COL7A1: variants seen among roughly 807,000 people sequenced by gnomAD.
The protein encoded by COL7A1 is collagen type VII alpha 1 chain.
A neutral mutation model predicts 456.2 loss-of-function variants in COL7A1; 296 were observed. The observed-to-expected ratio is 0.65, with a 90% confidence interval of 0.59 to 0.71. COL7A1 has a LOEUF of 0.71. Among genes scored for constraint, COL7A1 ranks in the 30% least tolerant of loss-of-function variants. COL7A1 has a pLI of 0.00. For missense variants in COL7A1, 3,441 were observed against 4,017.2 expected (o/e 0.86, Z 3.88); for synonymous variants, 1,464 against 1,525.9 (o/e 0.96, Z 0.95).
chr3:48,580,566 T>C lies in COL7A1; in HGVS notation c.5052+15A>G, dbSNP rs377568216. The C allele has an allele frequency of 1.1e-4, 184 of 1,613,090 alleles. No individual in the cohort carries two copies. The highest frequency in any genetic ancestry group is 1.4e-4 in the Non-Finnish European group (171 of 1,179,416). Reference sequence around the variant, plus strand: ...GGGTTAAGGTTGGGGTGAGGAGTCATAGGCTGGGACTCACATTTCGTCCAT... The same window carrying C: ...GGGTTAAGGTTGGGGTGAGGAGTCACAGGCTGGGACTCACATTTCGTCCAT... On this transcript the variant is annotated intron_variant, in intron 55 of 118. Coordinates refer to ENST00000681320, the MANE Select transcript of COL7A1 (RefSeq NM_000094.4). This position sits in a 1 kb window ranked among gnomAD's most constrained non-coding sequence, Gnocchi z 4.5.
rs769833467 is a variant in COL7A1 at position 48,585,589 on chromosome 3, G to T, written c.3862C>A (p.Pro1288Thr). 25 of 1,613,836 alleles carry T rather than the reference G, an allele frequency of 1.5e-5. No homozygotes were observed. The South Asian group carries it at 2.1e-4, about 13-fold the overall frequency. ...CCCTTGGCAGTGGCACTTCCAGGGG[G>T]CCCCTGGGGGCCGGGAGCACCGGTC... ...GRTGAPGPQGPPGSATAKGER... is the reference protein window; with the variant it reads ...GRTGAPGPQGTPGSATAKGER... The change falls in exon 32 of 119, where the codon CCC (proline) becomes ACC (threonine). Residue 1288 changes from proline to threonine, a missense_variant. Physicochemically the swap from Pro to Thr is conservative, Grantham distance 38. Transcript: ENST00000681320. The surrounding 1 kb of genome is among the most constrained non-coding windows in gnomAD (Gnocchi z 4.5).
At position 48,564,826 on chromosome 3, in the gene COL7A1, G is replaced by T; in HGVS notation, c.8775C>A (p.Cys2925Ter). ...NANRFGTREA[C>*]ERRCPPRVVQ... ...CCACCCGGGGTGGGCAGCGGCGCTC[G>T]CAGGCCTCACGGGTCCCAAAACGGT... Residue 2925 changes from cysteine (C) to a stop codon, truncating the protein, a stop_gained, in exon 118 of 119, where the codon TGC becomes TGA. Coordinates refer to ENST00000681320, the MANE Select transcript of COL7A1 (RefSeq NM_000094.4). LOFTEE classifies it low-confidence loss of function (END_TRUNC). This position sits in a 1 kb window ranked among gnomAD's most constrained non-coding sequence, Gnocchi z 6.0. 4.3e-6 allele frequency: 7 copies of T among 1,613,976 alleles called. No individual in the cohort carries two copies. Among genetic ancestry groups the T allele is most frequent in the Non-Finnish European group, 5.9e-6 (7 of 1,179,980 alleles).
At position 48,593,702 on chromosome 3, in the gene COL7A1, G is replaced by A. The variant is rs1361765533; in HGVS notation, c.267-6C>T. Reference sequence around the variant, plus strand: ...CATCCAGGCCGAACTCTGTCCTGTTGGAGGGTAGGGGTGGCAACAGGCTAG... The same window carrying A: ...CATCCAGGCCGAACTCTGTCCTGTTAGAGGGTAGGGGTGGCAACAGGCTAG... On this transcript the variant is annotated splice_polypyrimidine_tract_variant and splice_region_variant and intron_variant, in intron 3 of 118. Transcript: ENST00000681320. The surrounding 1 kb of genome is among the most constrained non-coding windows in gnomAD (Gnocchi z 4.4). 2.5e-6 allele frequency: 4 copies of A among 1,614,212 alleles called. No homozygotes were observed. The East Asian group carries it at 8.9e-5, about 36-fold the overall frequency.
Position 48,571,718 on chromosome 3 carries a change from T to C in COL7A1, c.7068+283A>G. On this transcript the variant is annotated intron_variant, in intron 92 of 118. Coordinates refer to ENST00000681320, the MANE Select transcript of COL7A1 (RefSeq NM_000094.4). This position sits in a 1 kb window ranked among gnomAD's most constrained non-coding sequence, Gnocchi z 4.6. ...GGAGAGGTTCACAAGAACTCAGGTG[T>C]GTCCTGGGATCTGGGAGATCAGACC... 1 of 638,944 alleles carries C rather than the reference T, an allele frequency of 1.6e-6. No homozygotes were observed. Among genetic ancestry groups the C allele is most frequent in the Non-Finnish European group, 2.9e-6 (1 of 344,440 alleles). 39.6% of individuals were successfully genotyped at this position (638,944 alleles called of 1,614,324 possible).
chr3:48,566,665 C>T lies in COL7A1; in HGVS notation c.8299G>A (p.Glu2767Lys). ...GVPGAPGERG[E>K]QGRPGPAGPR... ...GCCTTGGAATCCCTACTCACCTGCTCCCCTCTCTCGCCAGGAGCTCCAGGG... is the reference window on the plus strand; with the variant it reads ...GCCTTGGAATCCCTACTCACCTGCTTCCCTCTCTCGCCAGGAGCTCCAGGG... Residue 2767 changes from glutamate (E) to lysine (K), a missense_variant, in exon 112 of 119, where the codon GAG becomes AAG. Glu to Lys is a moderately conservative substitution (Grantham distance 56). Coordinates refer to ENST00000681320, the MANE Select transcript of COL7A1 (RefSeq NM_000094.4). This position sits in a 1 kb window ranked among gnomAD's most constrained non-coding sequence, Gnocchi z 5.9. 1 of 1,614,166 alleles carries T rather than the reference C, an allele frequency of 6.2e-7. No individual in the cohort carries two copies. The highest frequency in any genetic ancestry group is 8.5e-7 in the Non-Finnish European group (1 of 1,180,006).
Position 48,595,304 on chromosome 3 carries a change from T to C in COL7A1, c.-38A>G, listed in dbSNP as rs1433228322. The C allele has an allele frequency of 8.5e-6, 6 of 702,006 alleles. No homozygotes were observed. The highest frequency in any genetic ancestry group is 1.5e-5 in the Non-Finnish European group (6 of 396,396). The allele number at this position is 702,006 out of a possible 1,614,324, so 43.5% of individuals were successfully genotyped here. On this transcript the variant is annotated 5_prime_UTR_variant, in exon 1 of 119. Transcript: ENST00000681320. ...CCCGCTCCCGCCGCCGCCGCTGCAG[T>C]CTCTCGGGCAGAGCAGAGAAAAGTC...
chr3:48,586,655 G>GT lies in COL7A1; in HGVS notation c.3310_3311insA (p.Pro1104HisfsTer10). ...ATGGGAGCCATTCAGTGGGAACAGTGGGGAGGGCCGATGACTGTAAGACAG... is the reference window on the plus strand; with the variant it reads ...ATGGGAGCCATTCAGTGGGAACAGTGTGGGAGGGCCGATGACTGTAAGACAG... On this transcript the variant is annotated frameshift_variant, in exon 26 of 119. Transcript: ENST00000681320. LOFTEE classifies it high-confidence loss of function. The surrounding 1 kb of genome is among the most constrained non-coding windows in gnomAD (Gnocchi z 5.1). The GT allele has an allele frequency of 1.2e-6, 2 of 1,610,610 alleles. No individual in the cohort carries two copies. Among genetic ancestry groups the GT allele is most frequent in the South Asian group, 2.2e-5 (2 of 90,712 alleles).
chr3:48,587,856 C>A lies in COL7A1; in HGVS notation c.2794G>T (p.Val932Leu), dbSNP rs761239910. Residue 932 changes from valine (V) to leucine (L), a missense_variant, in exon 22 of 119, where the codon GTG (valine) becomes TTG (leucine). Physicochemically the swap from Val to Leu is conservative, Grantham distance 32 (BLOSUM62 1). Coordinates refer to ENST00000681320, the MANE Select transcript of COL7A1 (RefSeq NM_000094.4). The surrounding 1 kb of genome is among the most constrained non-coding windows in gnomAD (Gnocchi z 6.1). Reference protein sequence around the residue: ...DGLEPATQYRVRLSVLGPAGE... With the variant: ...DGLEPATQYRLRLSVLGPAGE... ...GCTGGCCCTAGGACACTCAGCCTCACGCGGTACTGTGTCGCTGGCTCCAGC... is the reference window on the plus strand; with the variant it reads ...GCTGGCCCTAGGACACTCAGCCTCAAGCGGTACTGTGTCGCTGGCTCCAGC... 4 of 1,613,220 alleles carry A rather than the reference C, an allele frequency of 2.5e-6. No individual in the cohort carries two copies. The highest frequency in any genetic ancestry group is 2.2e-5 in the East Asian group (1 of 44,866).
rs779764597 is a variant in COL7A1, at chr3:48,572,977, G to T, written c.6751-35C>A. The T allele has an allele frequency of 6.2e-7, 1 of 1,613,956 alleles. No homozygotes were observed. The highest frequency in any genetic ancestry group is 1.1e-5 in the South Asian group (1 of 91,074). On this transcript the variant is annotated intron_variant, in intron 86 of 118. Transcript: ENST00000681320. The surrounding 1 kb of genome is among the most constrained non-coding windows in gnomAD (Gnocchi z 4.6). Reference sequence around the variant, plus strand: ...AAGAGCTCTGTCAGGGCTGCCTGTCGACCCTTGACCCCTGGAGCCCAACCC... The same window carrying T: ...AAGAGCTCTGTCAGGGCTGCCTGTCTACCCTTGACCCCTGGAGCCCAACCC...
In COL7A1 at chr3:48,573,370, C is replaced by A; in HGVS notation, c.6619-22G>T. On this transcript the variant is annotated intron_variant, in intron 83 of 118. Transcript: ENST00000681320. The surrounding 1 kb of genome is among the most constrained non-coding windows in gnomAD (Gnocchi z 5.5). The stretch of plus-strand genomic sequence containing the variant: ...CCCCCTGCAAACAACCCAGAGACTG[C>A]ATGAGCAGAGCCCACGTGGCCAGGG... The A allele has an allele frequency of 6.2e-7, 1 of 1,614,070 alleles. No individual in the cohort carries two copies. Among genetic ancestry groups the A allele is most frequent in the Non-Finnish European group, 8.5e-7 (1 of 1,180,020 alleles).
intron 71 of COL7A1, 139 bp downstream of exon 71, chr3:48,576,110 T>G (rs2044279861): frequency 2.0e-5 from 29 of 1,443,350 alleles, no homozygotes; most frequent in Non-Finnish European, 4.8e-6. Flanking sequence ...GAGTGTGGGC[T>G]ACAAGAACCC....
rs1036287972 is a variant in COL7A1 at position 48,578,230 on chromosome 3, G to A, written c.5532+91C>T. ...TGGGCCAGGATGCATGTGTCTACAC[G>A]TGTGCCTCATGTGTTGCTACAGATC... On this transcript the variant is annotated intron_variant, in intron 65 of 118. Transcript: ENST00000681320. The surrounding 1 kb of genome is among the most constrained non-coding windows in gnomAD (Gnocchi z 4.7). 100 of 1,425,800 alleles carry A rather than the reference G, an allele frequency of 7.0e-5. No homozygotes were observed. The African/African-American group carries it at 9.7e-4, about 14-fold the overall frequency. 88.3% of individuals were successfully genotyped at this position (1,425,800 alleles called of 1,614,324 possible).
Position 48,572,248 on chromosome 3 carries a change from A to G in COL7A1, c.6979-77T>C, listed in dbSNP as rs1481010955. On this transcript the variant is annotated intron_variant, in intron 90 of 118. Coordinates refer to ENST00000681320, the MANE Select transcript of COL7A1 (RefSeq NM_000094.4). The surrounding 1 kb of genome is among the most constrained non-coding windows in gnomAD (Gnocchi z 4.6). ...ACTCCGGAGGGAGGCATGGGGCCAGAGCTTAAATATGCGGTCTACTATGAA... is the reference window on the plus strand; with the variant it reads ...ACTCCGGAGGGAGGCATGGGGCCAGGGCTTAAATATGCGGTCTACTATGAA... 4 of 1,612,124 alleles carry G rather than the reference A, an allele frequency of 2.5e-6. No individual in the cohort carries two copies. Among genetic ancestry groups the G allele is most frequent in the African/African-American group, 1.3e-5 (1 of 74,854 alleles).
Position 48,591,438 on chromosome 3 carries a change from G to A in COL7A1, c.1636+26C>T, listed in dbSNP as rs762676990. The A allele has an allele frequency of 6.8e-6, 11 of 1,611,534 alleles. No homozygotes were observed. The highest frequency in any genetic ancestry group is 2.7e-5 in the African/African-American group (2 of 74,822). ...AGGCTGGAACTTCAGTGTGTGTGGT[G>A]GGGGTGCTGGCTGCGTCCACCTCAC... On this transcript the variant is annotated intron_variant, in intron 13 of 118. Transcript: ENST00000681320. The surrounding 1 kb of genome is among the most constrained non-coding windows in gnomAD (Gnocchi z 7.0).
Position 48,567,333 on chromosome 3 carries a change from A to C in COL7A1, c.8047-143T>G. The stretch of plus-strand genomic sequence containing the variant: ...TGTGAGCCAACCAGATGTGATCCCC[A>C]TGACTCCAACTCCACTATAGCCCCC... On this transcript the variant is annotated intron_variant, in intron 109 of 118. Coordinates refer to ENST00000681320, the MANE Select transcript of COL7A1 (RefSeq NM_000094.4). This position sits in a 1 kb window ranked among gnomAD's most constrained non-coding sequence, Gnocchi z 4.3. The C allele has an allele frequency of 9.2e-7, 1 of 1,083,568 alleles. No homozygotes were observed. Among genetic ancestry groups the C allele is most frequent in the South Asian group, 1.3e-5 (1 of 76,996 alleles). The allele number at this position is 1,083,568 out of a possible 1,614,324, so 67.1% of individuals were successfully genotyped here.
rs370327156 is a variant in COL7A1, at chr3:48,590,846, G to A, written c.1637-30C>T. The stretch of plus-strand genomic sequence containing the variant: ...GAGAGAAGTCAGGGTAGGTGGGCAG[G>A]GGTCAGAAAGAGACAGGGATGTGGG... On this transcript the variant is annotated intron_variant, in intron 13 of 118. Coordinates refer to ENST00000681320, the MANE Select transcript of COL7A1 (RefSeq NM_000094.4). This position sits in a 1 kb window ranked among gnomAD's most constrained non-coding sequence, Gnocchi z 4.6. The A allele has an allele frequency of 2.9e-4, 461 of 1,609,718 alleles. No homozygotes were observed. Among genetic ancestry groups the A allele is most frequent in the Non-Finnish European group, 3.7e-4 (438 of 1,179,858 alleles).
rs756652262 is a variant in COL7A1 at position 48,583,379 on chromosome 3, C to A, written c.4437+14G>T. 1 of 1,614,056 alleles carries A rather than the reference C, an allele frequency of 6.2e-7. No individual in the cohort carries two copies. The highest frequency in any genetic ancestry group is 8.5e-7 in the Non-Finnish European group (1 of 1,179,930). On this transcript the variant is annotated intron_variant, in intron 42 of 118. Coordinates refer to ENST00000681320, the MANE Select transcript of COL7A1 (RefSeq NM_000094.4). The surrounding 1 kb of genome is among the most constrained non-coding windows in gnomAD (Gnocchi z 5.1). Reference sequence around the variant, plus strand: ...TAGCACCCCTCACACCTGAATCCCCCAACTGGTACTCACTTTGGGGCCAAT... The same window carrying A: ...TAGCACCCCTCACACCTGAATCCCCAAACTGGTACTCACTTTGGGGCCAAT...
rs1490573436 is a variant in COL7A1 at position 48,580,496 on chromosome 3, C to G, written c.5052+85G>C. 5.3e-6 allele frequency: 8 copies of G among 1,522,718 alleles called. No homozygotes were observed. The highest frequency in any genetic ancestry group is 7.2e-6 in the Non-Finnish European group (8 of 1,106,546). 94.3% of individuals were successfully genotyped at this position (1,522,718 alleles called of 1,614,324 possible). ...TGAAGATTGGGAGGGTTTAGCATTA[C>G]AGGGTTGGGGGGTAGGATCAGGTAT... On this transcript the variant is annotated intron_variant, in intron 55 of 118. Transcript: ENST00000681320. This position sits in a 1 kb window ranked among gnomAD's most constrained non-coding sequence, Gnocchi z 4.5.
chr3:48,569,358 C>CA lies in COL7A1; in HGVS notation c.7686+16dup. The CA allele has an allele frequency of 6.2e-7, 1 of 1,613,338 alleles. No individual in the cohort carries two copies. Among genetic ancestry groups the CA allele is most frequent in the Non-Finnish European group, 8.5e-7 (1 of 1,179,320 alleles). On this transcript the variant is annotated intron_variant, in intron 103 of 118. Transcript: ENST00000681320. This position sits in a 1 kb window ranked among gnomAD's most constrained non-coding sequence, Gnocchi z 4.9. ...CCACAGGACCCCACAGAGAGTACAC[C>CA]ACCCTCTTCCCTGTACCTTGTCACC...
Sources: allele counts gnomAD v4.1 joint callset, GRCh38; gene constraint gnomAD v4.1.1; non-coding constraint Gnocchi (gnomAD v3.1); transcripts MANE v1.5; gene names NCBI Gene and HGNC (gene_info 2026-07-23, HGNC 2026-07-21).